MACF1: variants seen among roughly 807,000 people sequenced by gnomAD.
The protein encoded by MACF1 is microtubule-actin cross-linking factor 1.
A neutral mutation model predicts 854.8 loss-of-function variants in MACF1; 193 were observed. That is an observed-to-expected ratio of 0.23 (90% confidence interval 0.20 to 0.25). MACF1 has a LOEUF of 0.25. MACF1 is among the 10% of genes least tolerant of loss of function. The pLI is 1.00. For missense variants in MACF1, 7,722 were observed against 8,929.1 expected (o/e 0.86, Z 5.45); for synonymous variants, 3,185 against 3,226.7 (o/e 0.99, Z 0.44).
chr1:39,237,561 C>A (rs1644873383), intron 2 of MACF1, among the ~76,000 whole-genome samples: 1 of 152,050 alleles, frequency 6.6e-6, no homozygotes, highest in African/African-American at 2.4e-5. Flanking sequence ...TGTTTTATCC[C>A]CTTAATTTTA....
rs1324529252 is a variant in MACF1 at position 39,231,261 on chromosome 1, A to G, written c.171+18A>G. 2 of 1,611,382 alleles carry G rather than the reference A, an allele frequency of 1.2e-6. No individual in the cohort carries two copies. The highest frequency in any genetic ancestry group is 1.7e-6 in the Non-Finnish European group (2 of 1,177,490). ...TAATGAAGGTAGGACCCTTTCATAT[A>G]TATGCTGCCCCAGCACCTCTCACTG... On this transcript the variant is annotated intron_variant, in intron 2 of 100. Coordinates refer to ENST00000564288, the MANE Select transcript of MACF1 (RefSeq NM_001394062.1).
At chr1:39,275,000 A>G (rs564356890) in intron 6 of MACF1, among the ~76,000 whole-genome samples, 1 of 152,334 alleles carries the variant, frequency 6.6e-6, no homozygotes, top group African/African-American at 2.4e-5. Flanking sequence ...TCACAAAAAA[A>G]GGAAATCCAA....
intron 1 of MACF1, among the ~76,000 whole-genome samples, 186 bp from the exon 2 acceptor site, chr1:39,230,996 A>T (rs902436762): frequency 6.6e-5 from 10 of 152,248 alleles, no homozygotes; most frequent in African/African-American, 2.4e-4. Flanking sequence ...TGATTTGTAA[A>T]CTGACAACGT....
In MACF1 at chr1:39,332,194, G is replaced by T. The variant is rs776818416; in HGVS notation, c.5606G>T (p.Gly1869Val). ...CCAATTACAGATGCCCTAGAACAAG[G>T]TATTGTGTCTACTGAACTAGCACAT... ...ILPITDALEQ[G>V]IVSTELAHKI... The change falls in exon 37 of 101, where the codon GGT (glycine) becomes GTT (valine). Residue 1869 changes from glycine to valine, a missense_variant. By Grantham distance (109) the Gly-to-Val change is moderately radical (BLOSUM62 -3). Coordinates refer to ENST00000564288, the MANE Select transcript of MACF1 (RefSeq NM_001394062.1). 2.5e-6 allele frequency: 4 copies of T among 1,614,012 alleles called. No homozygotes were observed. The highest frequency in any genetic ancestry group is 1.7e-5 in the Admixed American group (1 of 60,006).
At position 39,332,773 on chromosome 1, in the gene MACF1, G is replaced by T; in HGVS notation, c.6185G>T (p.Gly2062Val). 1 of 1,614,096 alleles carries T rather than the reference G, an allele frequency of 6.2e-7. No individual in the cohort carries two copies. Among genetic ancestry groups the T allele is most frequent in the Non-Finnish European group, 8.5e-7 (1 of 1,180,014 alleles). Residue 2062 changes from glycine to valine, a missense_variant, in exon 37 of 101, where the codon GGC (glycine) becomes GTC (valine). Transcript: ENST00000564288. ...PDREDCTTEK[G>V]KKTTVETEDS... ...CGGGAAGATTGCACTACAGAAAAAGGCAAAAAGACCACTGTAGAAACAGAA... is the reference window on the plus strand; with the variant it reads ...CGGGAAGATTGCACTACAGAAAAAGTCAAAAAGACCACTGTAGAAACAGAA...
Position 39,266,594 on chromosome 1 carries a change from CTTTTTTTTTTTTT to C in MACF1, c.528+8579_528+8591del, listed in dbSNP as rs11406070. Among the ~76,000 whole-genome samples, 5 of 58,122 alleles carry C rather than the reference CTTTTTTTTTTTTT, an allele frequency of 8.6e-5. No homozygotes were observed. In the East Asian group the frequency reaches 1.6e-3, roughly 19 times the overall value. The allele number at this position is 58,122 out of a possible 152,430, so 38.1% of individuals were successfully genotyped here. On this transcript the variant is annotated intron_variant, in intron 6 of 100. Transcript: ENST00000564288. ...GTTGCTTTCCTTTTGTGGTCTTTTCCTTTTTTTTTTTTTTTTTTTTTTTTTCAGGTCTCCAGGA... is the reference window on the plus strand; with the variant it reads ...GTTGCTTTCCTTTTGTGGTCTTTTCCTTTTTTTTTTTTCAGGTCTCCAGGA...
intron 4 of MACF1, chr1:39,254,010 A>G (rs1371933562): frequency 2.8e-6 from 1 of 352,330 alleles, no homozygotes; most frequent in Non-Finnish European, 5.2e-6. Flanking sequence ...ATGTGACTGC[A>G]GATGAACCTG....
intron 22 of MACF1, 111 bp downstream of exon 22, chr1:39,300,473 A>G: frequency 8.5e-7 from 1 of 1,170,124 alleles, no homozygotes; most frequent in South Asian, 1.7e-5. Flanking sequence ...TTTTAAAATT[A>G]GAATTTAAAC....
At chr1:39,306,804 T>G (rs1646189765) in intron 23 of MACF1, among the ~76,000 whole-genome samples, 1 of 151,476 alleles carries the variant, frequency 6.6e-6, no homozygotes, top group African/African-American at 2.4e-5. Context: ...TGAAACCTCT[T>G]ATATCTGAAA....
chr1:39,292,132 G>A, intron 16 of MACF1, 94 bp downstream of exon 16: 1 of 1,408,858 alleles, frequency 7.1e-7, no homozygotes, highest in South Asian at 1.5e-5. Flanking sequence ...AAGGAGGAGG[G>A]TGCTCTGGAA....
chr1:39,204,082 T>A (rs1381826126), upstream of MACF1, among the ~76,000 whole-genome samples: 1 of 152,110 alleles, frequency 6.6e-6, no homozygotes, highest in African/African-American at 2.4e-5. Context: ...GAGACCAGCT[T>A]GGCCAACATG....
Position 39,337,235 on chromosome 1 carries a change from T to C in MACF1, c.10119T>C (p.Tyr3373=). 2 of 1,614,070 alleles carry C rather than the reference T, an allele frequency of 1.2e-6. No homozygotes were observed. Among genetic ancestry groups the C allele is most frequent in the Non-Finnish European group, 1.7e-6 (2 of 1,179,958 alleles). Residue 3373 remains tyrosine (Y), a synonymous_variant, in exon 38 of 101, where the codon TAT becomes TAC. Coordinates refer to ENST00000564288, the MANE Select transcript of MACF1 (RefSeq NM_001394062.1). The stretch of plus-strand genomic sequence containing the variant: ...AACATGATGAAAAGCTAGTATCCTA[T>C]CTGTCTCTGTTACGGAACATTGAAA... ...CLEHDEKLVS[Y]LSLLRNIEMR...
chr1:39,322,135 A>T (rs1257916294), intron 31 of MACF1, among the ~76,000 whole-genome samples: 2 of 152,154 alleles, frequency 1.3e-5, no homozygotes, highest in Non-Finnish European at 2.9e-5. Flanking sequence ...TTACCCACTT[A>T]GTTAATTAGG....
In MACF1 at chr1:39,427,610, A is replaced by T. The variant is rs1325568723; in HGVS notation, c.16472A>T (p.His5491Leu). 6.2e-7 allele frequency: 1 copy of T among 1,613,966 alleles called. No individual in the cohort carries two copies. The highest frequency in any genetic ancestry group is 1.1e-5 in the South Asian group (1 of 91,050). Reference protein sequence around the residue: ...TAKIQQQIIRHKALEEDIENH... With the variant: ...TAKIQQQIIRLKALEEDIENH... ...AAAATACAGCAGCAGATCATTCGGC[A>T]CAAGGTAGGGAGTGGTTACAGTAAA... The change falls in exon 62 of 101, where the codon CAC (histidine) becomes CTC (leucine). Residue 5491 changes from histidine (H) to leucine (L), a missense_variant. By Grantham distance (99) the His-to-Leu change is moderately conservative. This residue lies in a region of MACF1 where 2,807 missense variants were observed against 3,235.8 expected (regional missense o/e 0.87). Coordinates refer to ENST00000564288, the MANE Select transcript of MACF1 (RefSeq NM_001394062.1).
At position 39,267,251 on chromosome 1, in the gene MACF1, A is replaced by T. The variant is rs557642106; in HGVS notation, c.528+9223A>T. Among the ~76,000 whole-genome samples the T allele has an allele frequency of 7.2e-5, 11 of 151,958 alleles. No individual in the cohort carries two copies. The South Asian group carries it at 2.1e-3, about 29-fold the overall frequency. On this transcript the variant is annotated intron_variant, in intron 6 of 100. Transcript: ENST00000564288. The stretch of plus-strand genomic sequence containing the variant: ...CCTCAGTTTCTTTTTTCTTTTTTGG[A>T]GACAGAGTCTTGTTCTGTTGGCCAG...
In MACF1 at chr1:39,480,022, C is replaced by A. The variant is rs1432255398; in HGVS notation, c.22170+13C>A. ...CAGTGGAACCAAGGTATGTACTGAT[C>A]TCCATTATGCCCTTCTTCCCCAATC... On this transcript the variant is annotated intron_variant, in intron 98 of 100. Transcript: ENST00000564288. 6 of 1,541,824 alleles carry A rather than the reference C, an allele frequency of 3.9e-6. No homozygotes were observed. The highest frequency in any genetic ancestry group is 1.8e-5 in the Admixed American group (1 of 54,614).
chr1:39,237,478 CA>C (rs1644872636), intron 2 of MACF1, among the ~76,000 whole-genome samples: 1 of 152,286 alleles, frequency 6.6e-6, no homozygotes, highest in African/African-American at 2.4e-5. Context: ...ACTAATATTT[CA>C]ATAGTGTTAT....
chr1:39,363,677 T>C (rs1002132557), intron 49 of MACF1, among the ~76,000 whole-genome samples: 9 of 151,608 alleles, frequency 5.9e-5, no homozygotes, highest in Admixed American at 6.6e-5. Flanking sequence ...TGGCACGATC[T>C]TGGCTCACTG....
rs1646916431 is a variant in MACF1 at position 39,340,666 on chromosome 1, C to T, written c.10380C>T (p.Asp3460=). 2 of 1,614,152 alleles carry T rather than the reference C, an allele frequency of 1.2e-6. No individual in the cohort carries two copies. The highest frequency in any genetic ancestry group is 2.2e-5 in the East Asian group (1 of 44,880). ...AGAAGTCTCTCAGCTCTGTGAGTGA[C>T]ACTTGGAATTCCAGGCTACTCCACT... ...NLQKSLSSVS[D]TWNSRLLHFQ... The change falls in exon 39 of 101, where the codon GAC becomes GAT. Residue 3460 remains aspartate, a synonymous_variant. Transcript: ENST00000564288.
Sources: allele counts gnomAD v4.1 joint callset (sites outside exome capture counted in the v4.1 genomes callset), GRCh38; gene constraint gnomAD v4.1.1; regional missense constraint gnomAD v4.1.1; transcripts MANE v1.5; gene names NCBI Gene and HGNC (gene_info 2026-07-23, HGNC 2026-07-21).